The following VCAM1 variants were observed in gnomAD, a reference collection of about 807,000 sequenced individuals.
The protein encoded by VCAM1 is vascular cell adhesion molecule 1.
Under a neutral mutation model 63.8 loss-of-function variants are expected in VCAM1, and 41 were observed. The observed-to-expected ratio is 0.64, with a 90% confidence interval of 0.50 to 0.83. The LOEUF (loss-of-function observed/expected upper bound fraction) is 0.83. Ranked by LOEUF, VCAM1 falls within the 40% of genes least tolerant of loss-of-function variation. VCAM1 has a pLI of 0.00. For missense variants in VCAM1, 798 were observed against 875.5 expected (o/e 0.91, Z 1.12); for synonymous variants, 338 against 320.7 (o/e 1.05, Z -0.58).
Position 100,731,251 on chromosome 1 carries a change from T to TC in VCAM1, c.1259dup (p.Val421CysfsTer9), listed in dbSNP as rs1660442727. Reference sequence around the variant, plus strand: ...GAGTGGTGGCCTCGTGAATGGGAGCTCTGTCACTGTAAGCTGCAAGGTTCC... The same window carrying TC: ...GAGTGGTGGCCTCGTGAATGGGAGCTCCTGTCACTGTAAGCTGCAAGGTTCC... On this transcript the variant is annotated frameshift_variant, in exon 6 of 9. Coordinates refer to ENST00000294728, the MANE Select transcript of VCAM1 (RefSeq NM_001078.4). LOFTEE classifies it high-confidence loss of function. This position sits in a 1 kb window ranked among gnomAD's most constrained non-coding sequence, Gnocchi z 4.2. The TC allele has an allele frequency of 1.2e-6, 2 of 1,613,492 alleles. No homozygotes were observed. The highest frequency in any genetic ancestry group is 2.2e-5 in the East Asian group (1 of 44,862).
At chr1:100,728,812 G>A (rs1282645761) in intron 4 of VCAM1, among the ~76,000 whole-genome samples, 1 of 151,594 alleles carries the variant, frequency 6.6e-6, no homozygotes, top group East Asian at 1.9e-4. Context: ...ACAGTGATTT[G>A]ATAAACTACA....
intron 1 of VCAM1, 77 bp from the exon 2 acceptor site, chr1:100,720,399 C>A: frequency 6.6e-7 from 1 of 1,506,990 alleles, no homozygotes; most frequent in Non-Finnish European, 9.0e-7. Context: ...ATATTTTAGA[C>A]ATTATACAGA....
chr1:100,730,345 G>A (rs747297376), intron 5 of VCAM1, among the ~76,000 whole-genome samples: 2 of 151,960 alleles, frequency 1.3e-5, no homozygotes, highest in Non-Finnish European at 1.5e-5. Context: ...ACCAGCAGTG[G>A]GGTCTTATTG....
chr1:100,729,035 A>G lies in VCAM1; in HGVS notation c.929-72A>G, dbSNP rs577607275. On this transcript the variant is annotated intron_variant, in intron 4 of 8. Coordinates refer to ENST00000294728, the MANE Select transcript of VCAM1 (RefSeq NM_001078.4). Reference sequence around the variant, plus strand: ...AAGGAGATCAGGAAAAATAAAGATCATATGTCAGAATGTGATGAAAAAAGA... The same window carrying G: ...AAGGAGATCAGGAAAAATAAAGATCGTATGTCAGAATGTGATGAAAAAAGA... 7 of 1,442,982 alleles carry G rather than the reference A, an allele frequency of 4.9e-6. No individual in the cohort carries two copies. The African/African-American group carries it at 8.6e-5, about 18-fold the overall frequency. 89.4% of individuals were successfully genotyped at this position (1,442,982 alleles called of 1,614,324 possible).
Position 100,734,757 on chromosome 1 carries a change from T to G in VCAM1, c.2048T>G (p.Leu683Arg). 3 of 1,613,472 alleles carry G rather than the reference T, an allele frequency of 1.9e-6. No homozygotes were observed. The highest frequency in any genetic ancestry group is 2.5e-6 in the Non-Finnish European group (3 of 1,179,654). ...KVGSQLRSLT[L>R]DVQGRENNKD... ...GGCTCACAATTAAGAAGTTTAACAC[T>G]TGATGTTCAAGGTGAGTTTGTTTTG... The change falls in exon 8 of 9, where the codon CTT becomes CGT. Residue 683 changes from leucine to arginine, a missense_variant. Leu to Arg is a moderately radical substitution (Grantham distance 102). Coordinates refer to ENST00000294728, the MANE Select transcript of VCAM1 (RefSeq NM_001078.4).
chr1:100,737,184 A>C (rs1387738010), intron 8 of VCAM1: 1 of 152,170 alleles, frequency 6.6e-6, no homozygotes, highest in African/African-American at 2.4e-5. Flanking sequence ...TAGAGAGAAA[A>C]AAATGTTATT....
chr1:100,736,404 G>A (rs917394969), intron 8 of VCAM1: 3 of 151,982 alleles, frequency 2.0e-5, no homozygotes, highest in African/African-American at 7.2e-5. Context: ...GTTTCATTTT[G>A]TCTTAGCTTG....
At chr1:100,736,058 C>G (rs1333286502) in intron 8 of VCAM1, 1 of 152,142 alleles carries the variant, frequency 6.6e-6, no homozygotes, top group East Asian at 1.9e-4. Flanking sequence ...AAGCCTAGCC[C>G]TGGGAAATTG....
At chr1:100,721,323 G>A (rs1483444714) in intron 2 of VCAM1, among the ~76,000 whole-genome samples, 1 of 151,230 alleles carries the variant, frequency 6.6e-6, no homozygotes, top group Non-Finnish European at 1.5e-5. Context: ...GGTTTTTTTG[G>A]TGCCATGAAG....
rs1660754978 is a variant in VCAM1 at position 100,738,912 on chromosome 1, T to G, written c.*629T>G. Reference sequence around the variant, plus strand: ...GTATAGTACTGGCATGGTACGGAGATGTTTCACGAAGTTTGTTCATCAGAC... The same window carrying G: ...GTATAGTACTGGCATGGTACGGAGAGGTTTCACGAAGTTTGTTCATCAGAC... On this transcript the variant is annotated 3_prime_UTR_variant, in exon 9 of 9. Transcript: ENST00000294728. 6.6e-6 allele frequency: 1 copy of G among 152,220 alleles called. No homozygotes were observed. The highest frequency in any genetic ancestry group is 1.5e-5 in the Non-Finnish European group (1 of 68,030). The allele number at this position is 152,220 out of a possible 1,614,324, so 9.4% of individuals were successfully genotyped here.
chr1:100,737,374 A>C (rs897981303), intron 8 of VCAM1: 2 of 152,130 alleles, frequency 1.3e-5, no homozygotes, highest in Non-Finnish European at 2.9e-5. Flanking sequence ...AAAAGCTGTA[A>C]TAAGGGTTTT....
chr1:100,724,911 G>T (rs753297217), intron 4 of VCAM1, 21 bp downstream of exon 4: 1 of 1,608,314 alleles, frequency 6.2e-7, no homozygotes, highest in Non-Finnish European at 8.5e-7. Flanking sequence ...TGTGAAAAAG[G>T]AATGATAAAG....
At chr1:100,730,511 C>T (rs1425532795) in intron 5 of VCAM1, among the ~76,000 whole-genome samples, 1 of 152,108 alleles carries the variant, frequency 6.6e-6, no homozygotes, top group African/African-American at 2.4e-5. Context: ...TTCTTGATTA[C>T]AAGTATTATC....
At position 100,732,521 on chromosome 1, in the gene VCAM1, A is replaced by T. The variant is rs1557906653; in HGVS notation, c.1629A>T (p.Lys543Asn). ...TCLSQGFPAP[K>N]ILWSRQLPNG... ...TGAGCCAGGGCTTTCCTGCTCCGAA[A>T]ATCCTGTGGAGCAGGCAGCTCCCTA... Residue 543 changes from lysine (K) to asparagine (N), a missense_variant, in exon 7 of 9, where the codon AAA becomes AAT. Coordinates refer to ENST00000294728, the MANE Select transcript of VCAM1 (RefSeq NM_001078.4). The T allele has an allele frequency of 2.5e-6, 4 of 1,612,892 alleles. No homozygotes were observed. The highest frequency in any genetic ancestry group is 3.4e-6 in the Non-Finnish European group (4 of 1,179,620).
intron 7 of VCAM1, among the ~76,000 whole-genome samples, chr1:100,733,926 A>G (rs1326783124): frequency 1.3e-5 from 2 of 152,192 alleles, no homozygotes; most frequent in Non-Finnish European, 2.9e-5. Flanking sequence ...TAAAGATACT[A>G]CTTGAGATTG....
intron 8 of VCAM1, 197 bp from the exon 9 acceptor site, chr1:100,737,926 G>T: frequency 3.8e-6 from 2 of 529,474 alleles, no homozygotes; most frequent in Non-Finnish European, 6.6e-6. Context: ...GATCCATCAT[G>T]ACCATAGCAA....
At chr1:100,724,921 GGTGCTGTCA>G (rs1660107024) in intron 4 of VCAM1, 31 bp downstream of exon 4, 1 of 1,604,078 alleles carries the variant, frequency 6.2e-7, no homozygotes, top group South Asian at 1.1e-5. Flanking sequence ...GAATGATAAA[GGTGCTGTCA>G]GTGGGATTTG....
chr1:100,726,085 C>T (rs1304572367), intron 4 of VCAM1, among the ~76,000 whole-genome samples: 1 of 151,966 alleles, frequency 6.6e-6, no homozygotes, highest in Non-Finnish European at 1.5e-5. Context: ...CTCTGGTAAC[C>T]ACCATTCTAC....
At position 100,720,458 on chromosome 1, in the gene VCAM1, C is replaced by CTTTTTTTTT; in HGVS notation, c.65-11_65-10insTTTTTTTTT. The CTTTTTTTTT allele has an allele frequency of 6.3e-7, 1 of 1,599,834 alleles. No homozygotes were observed. Among genetic ancestry groups the CTTTTTTTTT allele is most frequent in the Non-Finnish European group, 8.5e-7 (1 of 1,171,128 alleles). On this transcript the variant is annotated splice_polypyrimidine_tract_variant and intron_variant, in intron 1 of 8. Coordinates refer to ENST00000294728, the MANE Select transcript of VCAM1 (RefSeq NM_001078.4). ...AAACTAGTGGTAAATTTGCTTCTGT[C>CTTTTTTTTT]TTTTTTTGCTTTTGCAGCTCAAGCT...
Sources: allele counts gnomAD v4.1 joint callset (sites outside exome capture counted in the v4.1 genomes callset), GRCh38; gene constraint gnomAD v4.1.1; non-coding constraint Gnocchi (gnomAD v3.1); transcripts MANE v1.5; gene names NCBI Gene and HGNC (gene_info 2026-07-23, HGNC 2026-07-21).